MCM3AP: variants seen among roughly 807,000 people sequenced by gnomAD.
MCM3AP encodes the protein germinal-center associated nuclear protein.
In MCM3AP, 126 loss-of-function variants were observed where a neutral mutation model predicts 184.1. The ratio of observed to expected loss-of-function variants is 0.68; its 90% CI spans 0.59 to 0.79. MCM3AP has a LOEUF of 0.79. Among genes scored for constraint, MCM3AP ranks in the 30% least tolerant of loss-of-function variants. The pLI, the probability that MCM3AP is intolerant of heterozygous loss-of-function variation, is 0.00. For synonymous variants in MCM3AP, 1,002 were observed against 979.3 expected, an observed-to-expected ratio of 1.02 and a Z score of -0.43; for missense variants, 2,496 against 2,479.2, an observed-to-expected ratio of 1.01 and a Z score of -0.14.
chr21:46,277,757 A>ACG, intron 4 of MCM3AP, 40 bp from the exon 5 acceptor site: 1 of 1,349,870 alleles, frequency 7.4e-7, no homozygotes, highest in Non-Finnish European at 1.0e-6. Context: ...TCGTCCCAGG[A>ACG]AGGCCTTCAG....
Position 46,251,630 on chromosome 21 carries a change from C to A in MCM3AP, c.4189G>T (p.Asp1397Tyr). 1 of 1,609,662 alleles carries A rather than the reference C, an allele frequency of 6.2e-7. No individual in the cohort carries two copies. The highest frequency in any genetic ancestry group is 1.1e-5 in the South Asian group (1 of 90,900). The change falls in exon 20 of 28, where the codon GAT (aspartate) becomes TAT (tyrosine). Residue 1397 changes from aspartate (D) to tyrosine (Y), a missense_variant. By Grantham distance (160) the Asp-to-Tyr change is radical. This residue lies in a region of MCM3AP where 1,323 missense variants were observed against 1,273.4 expected (regional missense o/e 1.04). Coordinates refer to ENST00000291688, the MANE Select transcript of MCM3AP (RefSeq NM_003906.5). Reference sequence around the variant, plus strand: ...CCACCAGCATCGCTGGATGTGTCATCCACTGAGCCTTCATCTCCCATGAAC... The same window carrying A: ...CCACCAGCATCGCTGGATGTGTCATACACTGAGCCTTCATCTCCCATGAAC... The part of the protein sequence containing the change: ...VKFMGDEGSV[D>Y]DTSSDAGGIQ...
At chr21:46,274,701 G>A (rs531746504) in intron 6 of MCM3AP, among the ~76,000 whole-genome samples, 13 of 152,076 alleles carry the variant, frequency 8.5e-5, no homozygotes, top group South Asian at 2.1e-4. Flanking sequence ...TTTGGGAGGC[G>A]GAGGTGGGCA....
intron 13 of MCM3AP, among the ~76,000 whole-genome samples, chr21:46,263,014 C>T (rs1601521651): frequency 1.4e-5 from 2 of 145,740 alleles, no homozygotes; most frequent in South Asian, 4.5e-4. Flanking sequence ...AGACCAATAT[C>T]CCTCATGAAT....
Position 46,256,907 on chromosome 21 carries a change from C to A in MCM3AP, c.3814G>T (p.Val1272Leu). ...GCCAGCGCCCTCAGCCGGTCGCTCA[C>A]GTCCACGCAGCAGGGCGCAGCAGGG... is the stretch of plus-strand genomic sequence containing the variant. ...AFPAAPCCVD[V>L]SDRLRALAPS... Residue 1272 changes from valine to leucine, a missense_variant, in exon 17 of 28, where the codon GTG becomes TTG. Physicochemically the swap from Val to Leu is conservative, Grantham distance 32. Transcript: ENST00000291688. The A allele has an allele frequency of 1.2e-6, 2 of 1,609,904 alleles. No individual in the cohort carries two copies. Among genetic ancestry groups the A allele is most frequent in the Non-Finnish European group, 1.7e-6 (2 of 1,178,342 alleles).
In MCM3AP at chr21:46,277,535, A is replaced by T. The variant is rs1407645877; in HGVS notation, c.1850T>A (p.Met617Lys). 1 of 1,578,588 alleles carries T rather than the reference A, an allele frequency of 6.3e-7. No homozygotes were observed. Among genetic ancestry groups the T allele is most frequent in the Non-Finnish European group, 8.6e-7 (1 of 1,163,464 alleles). ...YRLLDQRDRI[M>K]RQARVKRTDL... Reference sequence around the variant, plus strand: ...GCCACCAAGTGCCATACCTTGCCGCATGATCCTGTCTCTCTGGTCAAGCAG... The same window carrying T: ...GCCACCAAGTGCCATACCTTGCCGCTTGATCCTGTCTCTCTGGTCAAGCAG... Residue 617 changes from methionine to lysine, a missense_variant, in exon 5 of 28, where the codon ATG becomes AAG. Physicochemically the swap from Met to Lys is moderately conservative, Grantham distance 95. Coordinates refer to ENST00000291688, the MANE Select transcript of MCM3AP (RefSeq NM_003906.5).
At chr21:46,242,665 A>G (rs1484919089) in intron 25 of MCM3AP, 137 bp downstream of exon 25, 1 of 801,518 alleles carries the variant, frequency 1.2e-6, no homozygotes, top group East Asian at 2.7e-5. Flanking sequence ...CTGCATGGGA[A>G]TGATCTGTTC....
In MCM3AP at chr21:46,254,422, A is replaced by C. The variant is rs1333191569; in HGVS notation, c.4106T>G (p.Val1369Gly). 2 of 1,614,028 alleles carry C rather than the reference A, an allele frequency of 1.2e-6. No homozygotes were observed. Among genetic ancestry groups the C allele is most frequent in the Non-Finnish European group, 1.7e-6 (2 of 1,180,046 alleles). Residue 1369 changes from valine to glycine, a missense_variant, in exon 19 of 28, where the codon GTA becomes GGA. Around this residue, in one of 5 missense-constraint regions of MCM3AP, gnomAD observed 1,323 missense variants for 1,273.4 expected, o/e 1.04. Transcript: ENST00000291688. ...FWKLVLVLPD[V>G]EEQSPESCGR... ...ACAACTCTCTGGGGACTGCTCCTCTACATCCGGCAACACCAGCACCAGCTT... is the reference window on the plus strand; with the variant it reads ...ACAACTCTCTGGGGACTGCTCCTCTCCATCCGGCAACACCAGCACCAGCTT...
rs2080739048 is a variant in MCM3AP, at chr21:46,244,955, G to T, written c.4890C>A (p.Asp1630Glu). 3.1e-6 allele frequency: 5 copies of T among 1,614,210 alleles called. No homozygotes were observed. The highest frequency in any genetic ancestry group is 4.2e-6 in the Non-Finnish European group (5 of 1,180,034). The change falls in exon 23 of 28, where the codon GAC (aspartate) becomes GAA (glutamate). Residue 1630 changes from aspartate (D) to glutamate (E), a missense_variant. By Grantham distance (45) the Asp-to-Glu change is conservative. Transcript: ENST00000291688. ...CAAACTCAGTGACAGGCCAGGACAG[G>T]TCACACAGCTGTTCAGAGGACACCA... ...ASVVSSEQLCDLSWPVTEFAE... is the reference protein window; with the variant it reads ...ASVVSSEQLCELSWPVTEFAE...
chr21:46,254,164 G>A (rs1284252825), intron 19 of MCM3AP: 4 of 574,120 alleles, frequency 7.0e-6, no homozygotes, highest in Non-Finnish European at 1.2e-5. Context: ...TTAAAGCAGT[G>A]TGAGAACGGA....
At chr21:46,258,243 T>C (rs2839175) in intron 16 of MCM3AP, among the ~76,000 whole-genome samples, 43,016 of 152,144 alleles carry the variant, frequency 0.28, 6,998 homozygotes, top group Admixed American at 0.4. Flanking sequence ...CTCCCTTTTA[T>C]ACTGTTCCAA....
At chr21:46,261,133 G>A in intron 14 of MCM3AP, 147 bp downstream of exon 14, 1 of 1,072,540 alleles carries the variant, frequency 9.3e-7, no homozygotes, top group Non-Finnish European at 1.4e-6. Context: ...TCCACCCCCT[G>A]GGCTGAAGCA....
Position 46,282,856 on chromosome 21 carries a change from C to T in MCM3AP, c.1443+759G>A, listed in dbSNP as rs373402724. 3.9e-5 allele frequency among the ~76,000 whole-genome samples: 6 copies of T among 152,184 alleles called. No homozygotes were observed. In the East Asian group the frequency reaches 1.2e-3, roughly 29 times the overall value. On this transcript the variant is annotated intron_variant, in intron 2 of 27. Coordinates refer to ENST00000291688, the MANE Select transcript of MCM3AP (RefSeq NM_003906.5). Reference sequence around the variant, plus strand: ...AAAGTATTATGCATACATTTAAAGTCAGGATACAAACCCAGTGCTTCAAAG... The same window carrying T: ...AAAGTATTATGCATACATTTAAAGTTAGGATACAAACCCAGTGCTTCAAAG...
chr21:46,280,034 C>G lies in MCM3AP; in HGVS notation c.1626G>C (p.Lys542Asn), dbSNP rs1297551223. 6.2e-7 allele frequency: 1 copy of G among 1,614,122 alleles called. No homozygotes were observed. Among genetic ancestry groups the G allele is most frequent in the South Asian group, 1.1e-5 (1 of 91,080 alleles). The change falls in exon 4 of 28, where the codon AAG (lysine) becomes AAC (asparagine). Residue 542 changes from lysine to asparagine, a missense_variant. Around this residue, in one of 5 missense-constraint regions of MCM3AP, gnomAD observed 800 missense variants for 717.1 expected, o/e 1.12. Coordinates refer to ENST00000291688, the MANE Select transcript of MCM3AP (RefSeq NM_003906.5). ...TGCTAGCACCAGTCCTCCCTGCGGC[C>G]TTGCCAAGAGGAGAGTGCTGAAAGG... ...DAPFQHSPLG[K>N]AAGRTGASSL...
intron 2 of MCM3AP, among the ~76,000 whole-genome samples, chr21:46,282,097 G>A (rs965670522): frequency 2.0e-5 from 3 of 152,148 alleles, no homozygotes; most frequent in Admixed American, 2.0e-4. Flanking sequence ...GAGGACCGGA[G>A]TTCGAGACCT....
chr21:46,242,838 A>C lies in MCM3AP; in HGVS notation c.5390T>G (p.Leu1797Trp). 6.2e-7 allele frequency: 1 copy of C among 1,613,466 alleles called. No individual in the cohort carries two copies. The highest frequency in any genetic ancestry group is 8.5e-7 in the Non-Finnish European group (1 of 1,179,710). Residue 1797 changes from leucine (L) to tryptophan (W), a missense_variant, in exon 25 of 28, where the codon TTG becomes TGG. This residue lies in a region of MCM3AP where 1,323 missense variants were observed against 1,273.4 expected (regional missense o/e 1.04). Coordinates refer to ENST00000291688, the MANE Select transcript of MCM3AP (RefSeq NM_003906.5). ...DVPLSWEQAR[L>W]QTQKELQLRE... is the part of the protein sequence containing the mutation. ...CAGCTGTAGCTCCTTCTGCGTCTGC[A>C]ACCTGGCTTGTTCCCACGACAAAGG...
chr21:46,253,959 C>T (rs2080910438), intron 19 of MCM3AP: 1 of 204,060 alleles, frequency 4.9e-6, no homozygotes, highest in African/African-American at 2.3e-5. Context: ...ATAGTGAGCT[C>T]TCACGAGATC....
intron 18 of MCM3AP, 96 bp downstream of exon 18, chr21:46,254,680 G>C: frequency 1.4e-6 from 2 of 1,418,998 alleles, no homozygotes; most frequent in Non-Finnish European, 2.0e-6. Flanking sequence ...TCATCGAAGA[G>C]ACCTCAGTTG....
At chr21:46,256,653 G>T in intron 17 of MCM3AP, 136 bp downstream of exon 17, 1 of 1,096,870 alleles carries the variant, frequency 9.1e-7, no homozygotes. Flanking sequence ...GCCTGTCCTC[G>T]CCTCCAGGCT....
At chr21:46,264,633 C>T (rs2081084610) in intron 12 of MCM3AP, among the ~76,000 whole-genome samples, 1 of 152,206 alleles carries the variant, frequency 6.6e-6, no homozygotes, top group South Asian at 2.1e-4. Context: ...ACCATGCCCA[C>T]CCTGAGGCCA....
Sources: allele counts gnomAD v4.1 joint callset (sites outside exome capture counted in the v4.1 genomes callset), GRCh38; gene constraint gnomAD v4.1.1; regional missense constraint gnomAD v4.1.1; transcripts MANE v1.5; gene names NCBI Gene and HGNC (gene_info 2026-07-23, HGNC 2026-07-21).